CACNB2: variants seen among roughly 807,000 people sequenced by gnomAD.
CACNB2 encodes the protein voltage-dependent L-type calcium channel subunit beta-2.
CACNB2 carries 42 observed loss-of-function variants against 73.3 expected under a neutral mutation model. The observed-to-expected ratio is 0.57, with a 90% confidence interval of 0.45 to 0.74. CACNB2 has a LOEUF of 0.74. CACNB2 is among the 30% of genes least tolerant of loss of function. CACNB2 has a pLI of 0.00. For missense variants in CACNB2, 940 were observed against 853.0 expected (o/e 1.10, Z -1.27); for synonymous variants, 348 against 310.3 (o/e 1.12, Z -1.28).
At chr10:18,396,937 T>C (rs1411786826) in intron 2 of CACNB2, among the ~76,000 whole-genome samples, 1 of 152,132 alleles carries the variant, frequency 6.6e-6, no homozygotes, top group Admixed American at 6.6e-5. Flanking sequence ...AAAAAGTTGA[T>C]TTTGCTCAAG....
intron 2 of CACNB2, among the ~76,000 whole-genome samples, chr10:18,286,517 CAAAAAAAAAAAAAAA>C (rs770589594): frequency 0.072 from 4,149 of 57,724 alleles, 234 homozygotes; most frequent in African/African-American, 0.18. Context: ...GATTCTGTCT[CAAAAAAAAAAAAAAA>C]AAAAAAAAAA....
At chr10:18,443,018 A>ATATATG (rs1341772975) in intron 3 of CACNB2, among the ~76,000 whole-genome samples, 33 of 69,984 alleles carry the variant, frequency 4.7e-4, no homozygotes, top group Non-Finnish European at 8.2e-4. Context: ...ATATATGTAT[A>ATATATG]TATATATATA....
intron 6 of CACNB2, among the ~76,000 whole-genome samples, chr10:18,512,241 C>T (rs1213003260): frequency 1.6e-4 from 24 of 152,162 alleles, no homozygotes; most frequent in Non-Finnish European, 2.9e-5. Context: ...TTCCACTCTG[C>T]CTCTTTTGTT....
At chr10:18,296,717 A>C (rs983583816) in intron 2 of CACNB2, among the ~76,000 whole-genome samples, 2 of 152,224 alleles carry the variant, frequency 1.3e-5, no homozygotes, top group Admixed American at 6.5e-5. Flanking sequence ...ACAAGTCATC[A>C]GTTCCTATCT....
chr10:18,180,396 TC>T (rs1343961882), intron 2 of CACNB2, among the ~76,000 whole-genome samples: 1 of 152,154 alleles, frequency 6.6e-6, no homozygotes, highest in Non-Finnish European at 1.5e-5. Flanking sequence ...CTTGTCTTTT[TC>T]TTTTACGTCA....
At chr10:18,446,444 G>A (rs1180157545) in intron 3 of CACNB2, among the ~76,000 whole-genome samples, 1 of 152,114 alleles carries the variant, frequency 6.6e-6, no homozygotes, top group East Asian at 1.9e-4. Context: ...TAAGTAGCAG[G>A]GGCCTGACAT....
At chr10:18,408,914 A>G (rs948271827) in intron 3 of CACNB2, among the ~76,000 whole-genome samples, 3 of 152,122 alleles carry the variant, frequency 2.0e-5, no homozygotes, top group African/African-American at 4.8e-5. Flanking sequence ...TTGCAGTGGC[A>G]TGATTACTGC....
chr10:18,202,225 A>G (rs1374095975), intron 2 of CACNB2, among the ~76,000 whole-genome samples: 1 of 152,222 alleles, frequency 6.6e-6, no homozygotes, highest in East Asian at 1.9e-4. Context: ...AAGCCATCAC[A>G]GTATTGCTGG....
intron 2 of CACNB2, among the ~76,000 whole-genome samples, chr10:18,389,269 T>C (rs1201294617): frequency 6.6e-6 from 1 of 152,188 alleles, no homozygotes; most frequent in African/African-American, 2.4e-5. Flanking sequence ...CCCAAGTAGC[T>C]AGGACTGCAG....
At chr10:18,513,806 C>T (rs1189467763) in intron 6 of CACNB2, 6 of 243,450 alleles carry the variant, frequency 2.5e-5, no homozygotes, top group African/African-American at 4.6e-5. Flanking sequence ...GTGCAAAAAC[C>T]GCAATTACTT....
At chr10:18,237,355 A>G (rs1264734944) in intron 2 of CACNB2, among the ~76,000 whole-genome samples, 3 of 152,188 alleles carry the variant, frequency 2.0e-5, no homozygotes, top group Non-Finnish European at 2.9e-5. Flanking sequence ...TCCTTATAAG[A>G]AGAGAAAACC....
intron 2 of CACNB2, among the ~76,000 whole-genome samples, chr10:18,356,124 C>G (rs1449570174): frequency 2.0e-5 from 3 of 152,204 alleles, no homozygotes; most frequent in African/African-American, 4.8e-5. Context: ...TGCATTGACA[C>G]AGCCCTCCCT....
chr10:18,160,627 C>G (rs1478576249), intron 2 of CACNB2, among the ~76,000 whole-genome samples: 2 of 152,102 alleles, frequency 1.3e-5, no homozygotes, highest in African/African-American at 4.8e-5. Flanking sequence ...TCAGATGAAT[C>G]ATAAACTTTT....
intron 3 of CACNB2, among the ~76,000 whole-genome samples, chr10:18,448,503 A>G (rs1282141181): frequency 7.3e-6 from 1 of 137,322 alleles, no homozygotes; most frequent in Non-Finnish European, 1.6e-5. Flanking sequence ...AAAAAAAAAG[A>G]AAAGAAAAGA....
chr10:18,349,726 T>TAA (rs58519066), intron 2 of CACNB2, among the ~76,000 whole-genome samples: 39 of 145,662 alleles, frequency 2.7e-4, no homozygotes, highest in Admixed American at 4.1e-4. Flanking sequence ...GGAGATGATT[T>TAA]AAAAAAAAAA....
chr10:18,328,959 C>A (rs1247171805), intron 2 of CACNB2, among the ~76,000 whole-genome samples: 1 of 152,184 alleles, frequency 6.6e-6, no homozygotes, highest in African/African-American at 2.4e-5. Flanking sequence ...TTTGACTTTG[C>A]AGACCTCCTG....
In CACNB2 at chr10:18,403,566, A is replaced by C. The variant is rs546943444; in HGVS notation, c.333+1523A>C. 1.2e-4 allele frequency among the ~76,000 whole-genome samples: 18 copies of C among 152,248 alleles called. No individual in the cohort carries two copies. The South Asian group carries it at 3.7e-3, about 32-fold the overall frequency. On this transcript the variant is annotated intron_variant, in intron 3 of 13. Transcript: ENST00000324631. ...CCAATAGACTGTAGGTTTGGTTTTC[A>C]ATTGTTATGTAATTGGGGCATTTTT...
intron 3 of CACNB2, among the ~76,000 whole-genome samples, chr10:18,456,826 T>C (rs189709574): frequency 4.4e-4 from 67 of 152,326 alleles, no homozygotes; most frequent in African/African-American, 1.5e-3. Flanking sequence ...AGAATTTCTT[T>C]CCTTTTTAAG....
intron 9 of CACNB2, chr10:18,519,992 C>T (rs1256455711): frequency 3.3e-6 from 1 of 307,428 alleles, no homozygotes; most frequent in Non-Finnish European, 6.3e-6. Flanking sequence ...CTGACTGCTC[C>T]TTTGTCTCCT....
Sources: gnomAD v4.1 joint callset for allele counts (sites outside exome capture counted in the v4.1 genomes callset) on GRCh38, gnomAD v4.1.1 for gene constraint, MANE v1.5 for transcripts, NCBI Gene and HGNC (gene_info 2026-07-23, HGNC 2026-07-21) for gene names.